The following STXBP6 variants were observed in gnomAD, a reference collection of about 807,000 sequenced individuals.
STXBP6 encodes syntaxin-binding protein 6.
In STXBP6, 21 loss-of-function variants were observed where a neutral mutation model predicts 26.9. That is an observed-to-expected ratio of 0.78 (90% CI 0.55 to 1.12). STXBP6 has a LOEUF of 1.12. Among genes scored for constraint, STXBP6 ranks in the 50% most tolerant of loss-of-function variants. The pLI is 0.00. For missense variants in STXBP6, 232 were observed against 257.9 expected (o/e 0.90, Z 0.69); for synonymous variants, 97 against 92.6 (o/e 1.05, Z -0.27).
intron 2 of STXBP6, among the ~76,000 whole-genome samples, chr14:24,913,495 T>C (rs1267419293): frequency 6.6e-6 from 1 of 151,744 alleles, no homozygotes; most frequent in Non-Finnish European, 1.5e-5. Context: ...AAATTAACAA[T>C]ACAACAACAA....
intron 2 of STXBP6, among the ~76,000 whole-genome samples, chr14:24,936,161 T>C (rs1217314363): frequency 6.6e-6 from 1 of 152,222 alleles, no homozygotes; most frequent in Admixed American, 6.5e-5. Context: ...TACAGCCATT[T>C]GAGAGTCTAC....
chr14:25,041,556 A>G (rs1282085623), intron 1 of STXBP6, among the ~76,000 whole-genome samples: 1 of 152,162 alleles, frequency 6.6e-6, no homozygotes, highest in African/African-American at 2.4e-5. Context: ...GACTGTACAA[A>G]GTCAACATAT....
Position 25,049,308 on chromosome 14 carries a change from G to A in STXBP6, c.-33+570C>T, listed in dbSNP as rs1037339140. 6.5e-5 allele frequency: 64 copies of A among 985,338 alleles called. No homozygotes were observed. The highest frequency in any genetic ancestry group is 7.3e-5 in the Non-Finnish European group (61 of 829,950). The allele number at this position is 985,338 out of a possible 1,614,324, so 61.0% of individuals were successfully genotyped here. A position where few individuals can be genotyped will look rare whatever the true frequency, so the allele number is the denominator to read the frequency against. ...GGCGCCCTTGACCAAGCCTGAGATC[G>A]GAAAGGGGGCATCGCCCAGGGCCAG... On this transcript the variant is annotated intron_variant, in intron 1 of 5. Coordinates refer to ENST00000323944, the MANE Select transcript of STXBP6 (RefSeq NM_001394410.1). This position sits in a 1 kb window ranked among gnomAD's most constrained non-coding sequence, Gnocchi z 5.6.
chr14:24,996,581 A>G lies in STXBP6; in HGVS notation c.-32-21731T>C, dbSNP rs946858104. On this transcript the variant is annotated intron_variant, in intron 1 of 5. Coordinates refer to ENST00000323944, the MANE Select transcript of STXBP6 (RefSeq NM_001394410.1). ...AAAAATTAAAAATAAAATTAAAAAAAAGGCTCAAGCCTGTAATCCCAGCAC... is the reference window on the plus strand; with the variant it reads ...AAAAATTAAAAATAAAATTAAAAAAGAGGCTCAAGCCTGTAATCCCAGCAC... 2.6e-5 allele frequency among the ~76,000 whole-genome samples: 4 copies of G among 152,058 alleles called. No homozygotes were observed. In the East Asian group the frequency reaches 7.7e-4, roughly 29 times the overall value.
chr14:24,978,717 A>G (rs2074112577), intron 1 of STXBP6, among the ~76,000 whole-genome samples: 1 of 152,258 alleles, frequency 6.6e-6, no homozygotes, highest in Non-Finnish European at 1.5e-5. Context: ...AACTAATCAC[A>G]GTTAGTTCTG....
At chr14:24,951,396 A>G (rs2073166085) in intron 2 of STXBP6, among the ~76,000 whole-genome samples, 1 of 33,262 alleles carries the variant, frequency 3.0e-5, no homozygotes, top group African/African-American at 1.7e-4. Flanking sequence ...TCCTCTCCGG[A>G]CTTTTTAATG....
At chr14:24,833,772 C>T (rs1335332070) in intron 4 of STXBP6, among the ~76,000 whole-genome samples, 1 of 151,960 alleles carries the variant, frequency 6.6e-6, no homozygotes, top group Non-Finnish European at 1.5e-5. Context: ...TATCAAGTTG[C>T]AGATATTTGA....
chr14:24,855,151 C>T (rs756807896), intron 4 of STXBP6, among the ~76,000 whole-genome samples: 6 of 151,882 alleles, frequency 4.0e-5, no homozygotes, highest in Non-Finnish European at 8.8e-5. Context: ...ATATATACAG[C>T]CCAAGGAGAA....
At chr14:25,041,209 C>A (rs565640994) in intron 1 of STXBP6, among the ~76,000 whole-genome samples, 2 of 152,082 alleles carry the variant, frequency 1.3e-5, no homozygotes, top group South Asian at 4.2e-4. Flanking sequence ...ATAATCCCAG[C>A]TACTCAGGAG....
intron 2 of STXBP6, among the ~76,000 whole-genome samples, chr14:24,922,407 C>T (rs1566478178): frequency 1.3e-5 from 2 of 152,134 alleles, no homozygotes; most frequent in African/African-American, 2.4e-5. Flanking sequence ...CTGCTCTCAC[C>T]TAGCGGAATT....
At chr14:24,902,187 T>C (rs542384128) in intron 2 of STXBP6, among the ~76,000 whole-genome samples, 5 of 152,166 alleles carry the variant, frequency 3.3e-5, no homozygotes, top group African/African-American at 1.2e-4. Context: ...GCTACAAGAA[T>C]AGTCATCATA....
chr14:24,938,595 GA>G (rs75008425), intron 2 of STXBP6, among the ~76,000 whole-genome samples: 1,469 of 116,410 alleles, frequency 0.013, 10 homozygotes, highest in African/African-American at 0.039. Context: ...GAAAAACCAG[GA>G]AAAAAAAAAA....
Position 24,857,169 on chromosome 14 carries a change from A to G in STXBP6, c.155-12T>C, listed in dbSNP as rs751168573. 1 of 1,612,498 alleles carries G rather than the reference A, an allele frequency of 6.2e-7. No individual in the cohort carries two copies. On this transcript the variant is annotated splice_polypyrimidine_tract_variant and intron_variant, in intron 2 of 5. Transcript: ENST00000323944. ...TTTCTTGTTTGTCACTGCCAAGAAA[A>G]GATCACTCAGATTAGTGCACCTGCA...
At chr14:24,911,955 A>C (rs755208782) in intron 2 of STXBP6, among the ~76,000 whole-genome samples, 2 of 152,130 alleles carry the variant, frequency 1.3e-5, no homozygotes, top group Non-Finnish European at 2.9e-5. Context: ...TCTTGTCCAC[A>C]TGGCAGCACT....
At chr14:24,884,931 G>C (rs1457012982) in intron 2 of STXBP6, among the ~76,000 whole-genome samples, 1 of 152,094 alleles carries the variant, frequency 6.6e-6, no homozygotes, top group Non-Finnish European at 1.5e-5. Flanking sequence ...GAAGATGAAA[G>C]GCATAAGGAA....
At position 25,002,359 on chromosome 14, in the gene STXBP6, C is replaced by CTTTTTTTTTTTTTTTTT. The variant is rs747010332; in HGVS notation, c.-32-27526_-32-27510dup. Among the ~76,000 whole-genome samples the CTTTTTTTTTTTTTTTTT allele has an allele frequency of 3.7e-4, 45 of 121,366 alleles. 2 individuals carry two copies. Among genetic ancestry groups the CTTTTTTTTTTTTTTTTT allele is most frequent in the East Asian group, 3.1e-3 (14 of 4,498 alleles). The allele number at this position is 121,366 out of a possible 152,430, so 79.6% of individuals were successfully genotyped here. A position where few individuals can be genotyped will look rare whatever the true frequency, so the allele number is the denominator to read the frequency against. The stretch of plus-strand genomic sequence containing the variant: ...ATCCCATACAGTTAAATTCTTATGA[C>CTTTTTTTTTTTTTTTTT]TTTTTTTTTTTTTTTTTTGAGACAC... On this transcript the variant is annotated intron_variant, in intron 1 of 5. Coordinates refer to ENST00000323944, the MANE Select transcript of STXBP6 (RefSeq NM_001394410.1).
intron 4 of STXBP6, among the ~76,000 whole-genome samples, chr14:24,826,255 AC>A (rs1247622240): frequency 6.6e-6 from 1 of 152,102 alleles, no homozygotes; most frequent in Non-Finnish European, 1.5e-5. Context: ...CAAATTACTT[AC>A]CCTGTTGTGC....
At chr14:25,034,227 TC>T (rs1442520641) in intron 1 of STXBP6, among the ~76,000 whole-genome samples, 2 of 152,104 alleles carry the variant, frequency 1.3e-5, no homozygotes, top group Non-Finnish European at 2.9e-5. Flanking sequence ...AAAGAGTTGT[TC>T]CAGGTAAACT....
chr14:25,036,661 T>A (rs1003767037), intron 1 of STXBP6, among the ~76,000 whole-genome samples: 1 of 152,028 alleles, frequency 6.6e-6, no homozygotes, highest in Non-Finnish European at 1.5e-5. Context: ...GAGACCATCC[T>A]GGCTAACAGA....
Sources: gnomAD v4.1 joint callset for allele counts (sites outside exome capture counted in the v4.1 genomes callset) on GRCh38, gnomAD v4.1.1 for gene constraint, Gnocchi (gnomAD v3.1) non-coding constraint, MANE v1.5 for transcripts, NCBI Gene and HGNC (gene_info 2026-07-23, HGNC 2026-07-21) for gene names.